PTPRT: variants seen among roughly 807,000 people sequenced by gnomAD.
PTPRT encodes protein tyrosine phosphatase receptor type T, also known as receptor-type tyrosine-protein phosphatase T.
A neutral mutation model predicts 176.8 loss-of-function variants in PTPRT; 56 were observed. That is an observed-to-expected ratio of 0.32 (90% CI 0.26 to 0.40). The LOEUF (loss-of-function observed/expected upper bound fraction) is 0.40, where lower values mean the gene tolerates loss of function less well. Ranked by LOEUF, PTPRT falls within the 10% of genes least tolerant of loss-of-function variation. The pLI, the probability that PTPRT is intolerant of heterozygous loss-of-function variation, is 1.00. For synonymous variants in PTPRT, 783 were observed against 739.0 expected (o/e 1.06, Z -0.96); for missense variants, 1,540 against 1,908.2 (o/e 0.81, Z 3.60).
At chr20:42,836,678 GC>G (rs1449516275) in intron 2 of PTPRT, among the ~76,000 whole-genome samples, 1 of 152,140 alleles carries the variant, frequency 6.6e-6, no homozygotes, top group Non-Finnish European at 1.5e-5. Context: ...TCCTTAATCG[GC>G]CACTGAATTC....
At chr20:42,119,891 C>T (rs1987495366) in intron 20 of PTPRT, 44 bp downstream of exon 20, 1 of 1,557,886 alleles carries the variant, frequency 6.4e-7, no homozygotes, top group African/African-American at 1.4e-5. Flanking sequence ...CCCCTGGGAC[C>T]CCTGAAGCCT....
At chr20:42,564,988 C>T (rs4327285) in intron 7 of PTPRT, among the ~76,000 whole-genome samples, 40,687 of 151,886 alleles carry the variant, frequency 0.27, 6,518 homozygotes, top group African/African-American at 0.45. Flanking sequence ...GAGGGTCAAC[C>T]GTATTTCCAT....
intron 6 of PTPRT, among the ~76,000 whole-genome samples, chr20:42,752,107 C>T (rs1600698705): frequency 6.6e-6 from 1 of 152,190 alleles, no homozygotes; most frequent in Non-Finnish European, 1.5e-5. Flanking sequence ...CTTTACAGAA[C>T]AGGCCTGACA....
At chr20:42,524,872 TCTC>T (rs2072241640) in intron 7 of PTPRT, among the ~76,000 whole-genome samples, 1 of 152,188 alleles carries the variant, frequency 6.6e-6, no homozygotes, top group Non-Finnish European at 1.5e-5. Flanking sequence ...TTAATTCTCT[TCTC>T]CTGTATGTCT....
chr20:42,760,507 TCA>T (rs2145420900), intron 5 of PTPRT, among the ~76,000 whole-genome samples: 1 of 149,104 alleles, frequency 6.7e-6, no homozygotes, highest in Admixed American at 6.7e-5. Flanking sequence ...TCACTCCATC[TCA>T]CATAAATAAA....
intron 1 of PTPRT, among the ~76,000 whole-genome samples, chr20:42,952,478 T>A (rs1334538981): frequency 6.6e-6 from 1 of 152,200 alleles, no homozygotes; most frequent in Non-Finnish European, 1.5e-5. Flanking sequence ...GCTTTAAACC[T>A]CAATTCTGCC....
intron 11 of PTPRT, among the ~76,000 whole-genome samples, chr20:42,332,740 T>C (rs2057984813): frequency 6.6e-6 from 1 of 152,162 alleles, no homozygotes; most frequent in South Asian, 2.1e-4. Context: ...AAGTGAAAAC[T>C]AGAATTTGGA....
At chr20:42,404,987 T>TATATATATATATATATATAC (rs1555843282) in intron 9 of PTPRT, among the ~76,000 whole-genome samples, 56 of 135,890 alleles carry the variant, frequency 4.1e-4, no homozygotes, top group Admixed American at 1.9e-3. Flanking sequence ...TATATATATA[T>TATATATATATATATATATAC]ACACACACAC....
At chr20:42,741,397 T>A (rs1221917770) in intron 6 of PTPRT, among the ~76,000 whole-genome samples, 1 of 152,144 alleles carries the variant, frequency 6.6e-6, no homozygotes, top group Non-Finnish European at 1.5e-5. Context: ...CAGACTGGAG[T>A]GCAGTGGCGC....
chr20:42,160,125 G>C lies in PTPRT; in HGVS notation c.2682+1227C>G, dbSNP rs373290308. On this transcript the variant is annotated intron_variant, in intron 17 of 30. Transcript: ENST00000373187. Reference sequence around the variant, plus strand: ...TGAATCAAGCATAGCTGGGGCACACGCTGCATGTGAAGAAAAAAAAAAGAA... The same window carrying C: ...TGAATCAAGCATAGCTGGGGCACACCCTGCATGTGAAGAAAAAAAAAAGAA... Among the ~76,000 whole-genome samples the C allele has an allele frequency of 7.3e-5, 11 of 151,574 alleles. 1 individual carries two copies. The East Asian group carries it at 1.6e-3, about 21-fold the overall frequency.
At chr20:42,665,508 G>A (rs1401937715) in intron 7 of PTPRT, among the ~76,000 whole-genome samples, 2 of 152,094 alleles carry the variant, frequency 1.3e-5, no homozygotes, top group Admixed American at 6.5e-5. Context: ...CTGTAAACTA[G>A]TTCAACCATT....
At chr20:42,621,258 C>T (rs868447527) in intron 7 of PTPRT, among the ~76,000 whole-genome samples, 6 of 152,186 alleles carry the variant, frequency 3.9e-5, no homozygotes, top group Non-Finnish European at 8.8e-5. Flanking sequence ...ACACCAATTA[C>T]CCTCTTGCTT....
At chr20:43,063,898 C>G (rs1987571016) in intron 1 of PTPRT, among the ~76,000 whole-genome samples, 1 of 152,112 alleles carries the variant, frequency 6.6e-6, no homozygotes, top group Non-Finnish European at 1.5e-5. Context: ...TCAGAGGTCT[C>G]AGAGAGTAAA....
At chr20:42,323,166 T>G (rs1431138171) in intron 11 of PTPRT, among the ~76,000 whole-genome samples, 1 of 152,254 alleles carries the variant, frequency 6.6e-6, no homozygotes, top group African/African-American at 2.4e-5. Flanking sequence ...TTGGTGGGAC[T>G]GTAATCCAGT....
intron 1 of PTPRT, among the ~76,000 whole-genome samples, chr20:42,916,587 T>A (rs914366674): frequency 1.2e-4 from 18 of 152,200 alleles, no homozygotes; most frequent in African/African-American, 3.9e-4. Context: ...ACCAACAGTG[T>A]AAAAGTGTTC....
intron 1 of PTPRT, among the ~76,000 whole-genome samples, chr20:42,963,645 C>T (rs1279803631): frequency 1.3e-5 from 2 of 151,746 alleles, no homozygotes; most frequent in African/African-American, 2.4e-5. Context: ...AAATTAGAAA[C>T]ACGAATAAAA....
At chr20:42,565,384 G>A (rs547270944) in intron 7 of PTPRT, among the ~76,000 whole-genome samples, 6 of 152,230 alleles carry the variant, frequency 3.9e-5, no homozygotes, top group East Asian at 1.9e-4. Flanking sequence ...TATTCCATCC[G>A]GCCAGAAATA....
chr20:42,962,544 A>G (rs569140179), intron 1 of PTPRT, among the ~76,000 whole-genome samples: 1 of 152,358 alleles, frequency 6.6e-6, no homozygotes, highest in Admixed American at 6.5e-5. Flanking sequence ...CAAAAAGAAA[A>G]AACAAGACAT....
At chr20:42,916,916 G>A (rs1302837354) in intron 1 of PTPRT, among the ~76,000 whole-genome samples, 1 of 152,148 alleles carries the variant, frequency 6.6e-6, no homozygotes, top group Non-Finnish European at 1.5e-5. Flanking sequence ...TAGGTTGCCT[G>A]TTCACTCTGA....
Sources: allele counts gnomAD v4.1 joint callset (sites outside exome capture counted in the v4.1 genomes callset), GRCh38; gene constraint gnomAD v4.1.1; transcripts MANE v1.5; gene names NCBI Gene and HGNC (gene_info 2026-07-23, HGNC 2026-07-21).